Variants in SPON1 observed in about 807,000 individuals in gnomAD.
The protein encoded by SPON1 is spondin 1, also known as spondin-1.
In SPON1, 52 loss-of-function variants were observed where a neutral mutation model predicts 111.7. The observed-to-expected ratio is 0.47, with a 90% CI of 0.37 to 0.59. SPON1 has a LOEUF of 0.59. Ranked by LOEUF, SPON1 falls within the 20% of genes least tolerant of loss-of-function variation. The pLI, the probability that SPON1 is intolerant of heterozygous loss-of-function variation, is 0.00. For synonymous variants in SPON1, 410 were observed against 395.8 expected (o/e 1.04, Z -0.43); for missense variants, 957 against 1,068.5 (o/e 0.90, Z 1.46).
intron 2 of SPON1, among the ~76,000 whole-genome samples, chr11:13,989,574 T>C (rs1382250888): frequency 2.0e-5 from 3 of 152,176 alleles, no homozygotes; most frequent in African/African-American, 7.2e-5. Flanking sequence ...TAGTTATTTC[T>C]TGTCTTCTGC....
chr11:13,978,808 TGGA>T (rs1356315766), intron 1 of SPON1, among the ~76,000 whole-genome samples: 1 of 152,140 alleles, frequency 6.6e-6, no homozygotes, highest in Non-Finnish European at 1.5e-5. Flanking sequence ...CGACATGACA[TGGA>T]TTTTCAGGAA....
At chr11:14,160,512 TATATATATTTAC>T (rs1554930885) in intron 6 of SPON1, among the ~76,000 whole-genome samples, 550 of 13,838 alleles carry the variant, frequency 0.04, 87 homozygotes, top group African/African-American at 0.08. Flanking sequence ...TATATATTTA[TATATATATTTAC>T]ATATATATAT....
At chr11:14,262,660 C>A in intron 14 of SPON1, 52 bp from the exon 15 acceptor site, 1 of 1,608,530 alleles carries the variant, frequency 6.2e-7, no homozygotes. Flanking sequence ...AGAGCGTGAC[C>A]ATATCTTGTT....
chr11:14,052,886 A>AACTGAAGCTTGGTGGGAAG (rs1554918774), intron 3 of SPON1, among the ~76,000 whole-genome samples: 1 of 152,188 alleles, frequency 6.6e-6, no homozygotes, highest in African/African-American at 2.4e-5. Context: ...CACAGCAGTA[A>AACTGAAGCTTGGTGGGAAG]ACTGAAGCTT....
chr11:14,201,156 T>C (rs1554935591), intron 6 of SPON1, among the ~76,000 whole-genome samples: 1 of 151,936 alleles, frequency 6.6e-6, no homozygotes, highest in Admixed American at 6.6e-5. Flanking sequence ...CTGGCTAATA[T>C]GGTGAAACCC....
At chr11:14,180,446 T>C (rs6486176) in intron 6 of SPON1, among the ~76,000 whole-genome samples, 56,264 of 152,092 alleles carry the variant, frequency 0.37, 10,942 homozygotes, top group East Asian at 0.55. Context: ...TCCTTCTTTG[T>C]CTTTGCCCTT....
intron 2 of SPON1, among the ~76,000 whole-genome samples, chr11:14,028,620 C>G (rs1591355629): frequency 6.6e-6 from 1 of 152,200 alleles, no homozygotes; most frequent in African/African-American, 2.4e-5. Context: ...CTACTAGGCT[C>G]TAGGCACTCA....
At chr11:14,117,596 C>G (rs1265785634) in intron 5 of SPON1, among the ~76,000 whole-genome samples, 1 of 152,126 alleles carries the variant, frequency 6.6e-6, no homozygotes, top group Non-Finnish European at 1.5e-5. Flanking sequence ...TTTGGGGTTG[C>G]TACATCTATG....
chr11:14,131,456 C>T (rs1474449404), intron 5 of SPON1, among the ~76,000 whole-genome samples: 9 of 152,300 alleles, frequency 5.9e-5, no homozygotes, highest in African/African-American at 2.2e-4. Context: ...GCCAGTCCTG[C>T]GCCCGGCAAA....
chr11:14,223,319 A>T (rs891048009), intron 6 of SPON1, among the ~76,000 whole-genome samples: 1 of 152,136 alleles, frequency 6.6e-6, no homozygotes, highest in Non-Finnish European at 1.5e-5. Context: ...AGCCAAGATT[A>T]CACCACTGCA....
chr11:14,247,313 G>A (rs1261103828), intron 7 of SPON1, among the ~76,000 whole-genome samples: 8 of 152,180 alleles, frequency 5.3e-5, no homozygotes, highest in African/African-American at 1.9e-4. Flanking sequence ...GGGAGGCTGA[G>A]GCAGGAGGAT....
At chr11:14,146,167 T>C (rs1199683499) in intron 6 of SPON1, among the ~76,000 whole-genome samples, 2 of 150,990 alleles carry the variant, frequency 1.3e-5, no homozygotes, top group Non-Finnish European at 3.0e-5. Flanking sequence ...TTTTTTTTTT[T>C]GAGACAGAGT....
At chr11:14,061,938 T>A (rs568832364) in intron 3 of SPON1, among the ~76,000 whole-genome samples, 84 of 152,344 alleles carry the variant, frequency 5.5e-4, no homozygotes, top group African/African-American at 1.9e-3. Flanking sequence ...TTGCATGTGG[T>A]CTTAATCACA....
At chr11:13,999,691 GC>G (rs1848301235) in intron 2 of SPON1, among the ~76,000 whole-genome samples, 1 of 152,174 alleles carries the variant, frequency 6.6e-6, no homozygotes, top group South Asian at 2.1e-4. Context: ...ACAGGTGTGA[GC>G]CACCGCGCCT....
At chr11:14,223,673 G>A (rs554502791) in intron 6 of SPON1, among the ~76,000 whole-genome samples, 2 of 152,218 alleles carry the variant, frequency 1.3e-5, no homozygotes, top group South Asian at 4.2e-4. Flanking sequence ...TCCGAATCCT[G>A]TCTCCACCCT....
chr11:14,165,535 T>A (rs1470075283), intron 6 of SPON1, among the ~76,000 whole-genome samples: 1 of 152,174 alleles, frequency 6.6e-6, no homozygotes, highest in Admixed American at 6.5e-5. Context: ...GTGTTTAAAG[T>A]GACCAGCCTA....
chr11:13,975,218 C>CT (rs782475549), intron 1 of SPON1, among the ~76,000 whole-genome samples: 1 of 152,112 alleles, frequency 6.6e-6, no homozygotes, highest in Non-Finnish European at 1.5e-5. Flanking sequence ...GACGCCATGT[C>CT]TTTTTTACTC....
At chr11:14,017,792 G>T (rs1848453900) in intron 2 of SPON1, among the ~76,000 whole-genome samples, 1 of 152,198 alleles carries the variant, frequency 6.6e-6, no homozygotes, top group Admixed American at 6.5e-5. Flanking sequence ...AAAGTTAATT[G>T]TTGGATTTGC....
chr11:14,183,572 G>A (rs1848257492), intron 6 of SPON1, among the ~76,000 whole-genome samples: 1 of 152,196 alleles, frequency 6.6e-6, no homozygotes, highest in African/African-American at 2.4e-5. Flanking sequence ...GTTAGAGTTG[G>A]AAGAGAGGGA....
Sources: gnomAD v4.1 joint callset for allele counts (sites outside exome capture counted in the v4.1 genomes callset) on GRCh38, gnomAD v4.1.1 for gene constraint, MANE v1.5 for transcripts, NCBI Gene and HGNC (gene_info 2026-07-23, HGNC 2026-07-21) for gene names.